KCNH1: variants seen among roughly 807,000 people sequenced by gnomAD.
KCNH1 encodes the protein voltage-gated delayed rectifier potassium channel KCNH1.
Under a neutral mutation model 69.2 loss-of-function variants are expected in KCNH1, and 27 were observed. The ratio of observed to expected loss-of-function variants is 0.39; its 90% CI spans 0.29 to 0.54. The LOEUF is 0.54. Ranked by LOEUF, KCNH1 falls within the 20% of genes least tolerant of loss-of-function variation. KCNH1 has a pLI of 0.68. For missense variants in KCNH1, 798 were observed against 1,261.6 expected (o/e 0.63, Z 5.57); for synonymous variants, 456 against 487.7 (o/e 0.93, Z 0.86).
chr1:210,914,105 T>A (rs1687289928), intron 7 of KCNH1, among the ~76,000 whole-genome samples: 1 of 152,134 alleles, frequency 6.6e-6, no homozygotes, highest in Non-Finnish European at 1.5e-5. Context: ...CCCAAACTTT[T>A]AGAAAATTTT....
In KCNH1 at chr1:210,797,742, T is replaced by C. The variant is rs1189100406; in HGVS notation, c.1681A>G (p.Lys561Glu). ...ACGCAGATGTCGGCTCTCATGTCCT[T>C]GGGGCAGATCTGCAGGACCTAGCCA... ...DTEKVLQICPKDMRADICVHL... is the reference protein window; with the variant it reads ...DTEKVLQICPEDMRADICVHL... Residue 561 changes from lysine (K) to glutamate (E), a missense_variant, in exon 9 of 11, where the codon AAG (lysine) becomes GAG (glutamate). Physicochemically the swap from Lys to Glu is moderately conservative, Grantham distance 56. This residue lies in a region of KCNH1 where 197 missense variants were observed against 407.7 expected (regional missense o/e 0.48). Coordinates refer to ENST00000271751, the MANE Select transcript of KCNH1 (RefSeq NM_172362.3). 6.2e-7 allele frequency: 1 copy of C among 1,613,220 alleles called. No homozygotes were observed. Among genetic ancestry groups the C allele is most frequent in the Non-Finnish European group, 8.5e-7 (1 of 1,179,370 alleles).
At chr1:210,933,270 A>G (rs1574346426) in intron 6 of KCNH1, among the ~76,000 whole-genome samples, 1 of 152,028 alleles carries the variant, frequency 6.6e-6, no homozygotes, top group East Asian at 1.9e-4. Context: ...AGAACAAAAA[A>G]CCAAACACCA....
At chr1:210,757,030 A>G (rs940460076) in intron 10 of KCNH1, among the ~76,000 whole-genome samples, 3 of 152,186 alleles carry the variant, frequency 2.0e-5, no homozygotes, top group Non-Finnish European at 4.4e-5. Context: ...AGTATCAGCC[A>G]TTTAATCAAT....
intron 5 of KCNH1, among the ~76,000 whole-genome samples, chr1:211,068,714 C>A (rs1690579147): frequency 6.6e-6 from 1 of 152,124 alleles, no homozygotes; most frequent in African/African-American, 2.4e-5. Flanking sequence ...TTAGATACAT[C>A]AGAGAAGTGA....
At chr1:210,961,740 TTAG>T (rs1688299104) in intron 6 of KCNH1, among the ~76,000 whole-genome samples, 1 of 152,006 alleles carries the variant, frequency 6.6e-6, no homozygotes, top group Non-Finnish European at 1.5e-5. Flanking sequence ...CTTGGGAGGC[TTAG>T]GCAGGTGAAT....
At chr1:210,706,755 GT>G (rs1681923379) in intron 10 of KCNH1, among the ~76,000 whole-genome samples, 1 of 152,244 alleles carries the variant, frequency 6.6e-6, no homozygotes, top group African/African-American at 2.4e-5. Flanking sequence ...GCTAAGAATA[GT>G]GGCTAATTCT....
chr1:211,081,743 T>A (rs1690863912), intron 5 of KCNH1, among the ~76,000 whole-genome samples: 1 of 152,184 alleles, frequency 6.6e-6, no homozygotes, highest in Non-Finnish European at 1.5e-5. Context: ...CCACATGTTC[T>A]CACTCATAGT....
chr1:210,685,503 G>T (rs1001774760), intron 10 of KCNH1, among the ~76,000 whole-genome samples: 4 of 152,164 alleles, frequency 2.6e-5, no homozygotes, highest in African/African-American at 9.7e-5. Context: ...GGGGTTTGGG[G>T]TCAGAAAGAA....
At chr1:211,063,128 T>C (rs1018675035) in intron 5 of KCNH1, among the ~76,000 whole-genome samples, 2 of 152,080 alleles carry the variant, frequency 1.3e-5, no homozygotes, top group South Asian at 2.1e-4. Flanking sequence ...TATTCAACCA[T>C]AAAAAAGAAT....
chr1:210,689,114 G>A (rs979113970), intron 10 of KCNH1, among the ~76,000 whole-genome samples: 4 of 152,222 alleles, frequency 2.6e-5, no homozygotes, highest in Non-Finnish European at 5.9e-5. Context: ...CTCTGAGGTC[G>A]CACCAAGCCA....
intron 8 of KCNH1, among the ~76,000 whole-genome samples, chr1:210,798,335 G>T (rs531587623): frequency 6.6e-6 from 1 of 152,200 alleles, no homozygotes; most frequent in East Asian, 1.9e-4. Context: ...CACCACAACC[G>T]GCCAGGAAGG....
At chr1:210,689,200 G>A (rs1459149388) in intron 10 of KCNH1, among the ~76,000 whole-genome samples, 4 of 152,204 alleles carry the variant, frequency 2.6e-5, no homozygotes, top group Non-Finnish European at 5.9e-5. Flanking sequence ...AAGCTACAGG[G>A]ATTTCTGAGT....
At chr1:211,119,704 A>G (rs1443977293) in intron 1 of KCNH1, among the ~76,000 whole-genome samples, 1 of 152,242 alleles carries the variant, frequency 6.6e-6, no homozygotes, top group Non-Finnish European at 1.5e-5. Flanking sequence ...TCAACAATAA[A>G]GTCTCATGAA....
intron 6 of KCNH1, among the ~76,000 whole-genome samples, chr1:210,920,711 A>C (rs970573312): frequency 1.3e-5 from 2 of 152,196 alleles, no homozygotes; most frequent in African/African-American, 4.8e-5. Flanking sequence ...AAAAAGCTAA[A>C]AATAAATTAA....
chr1:210,711,167 C>T (rs1279937403), intron 10 of KCNH1, among the ~76,000 whole-genome samples: 1 of 152,276 alleles, frequency 6.6e-6, no homozygotes, highest in East Asian at 1.9e-4. Context: ...CCTAGACAGC[C>T]CCAGACCATG....
chr1:210,922,867 C>T (rs562110299), intron 6 of KCNH1, among the ~76,000 whole-genome samples: 1 of 152,264 alleles, frequency 6.6e-6, no homozygotes, highest in Non-Finnish European at 1.5e-5. Flanking sequence ...AATCAAACAC[C>T]ACATAAGCAG....
Position 210,681,440 on chromosome 1 carries a change from G to A in KCNH1, c.*1841C>T, listed in dbSNP as rs1332738045. ...AAGCCTGATGTGAGAAGCTACATATGAGGTTAGGGCTCATGGAGCAGGACT... is the reference window on the plus strand; with the variant it reads ...AAGCCTGATGTGAGAAGCTACATATAAGGTTAGGGCTCATGGAGCAGGACT... On this transcript the variant is annotated 3_prime_UTR_variant, in exon 11 of 11. Transcript: ENST00000271751. 1 of 152,236 alleles carries A rather than the reference G, an allele frequency of 6.6e-6. No homozygotes were observed. Among genetic ancestry groups the A allele is most frequent in the Non-Finnish European group, 1.5e-5 (1 of 68,076 alleles). 9.4% of individuals were successfully genotyped at this position (152,236 alleles called of 1,614,324 possible).
chr1:210,912,808 T>C (rs1257182018), intron 7 of KCNH1, among the ~76,000 whole-genome samples: 1 of 152,208 alleles, frequency 6.6e-6, no homozygotes, highest in African/African-American at 2.4e-5. Context: ...ATGTAGGCTC[T>C]TTCCCACATT....
chr1:211,036,883 C>G lies in KCNH1; in HGVS notation c.559-17627G>C, dbSNP rs765653538. ...TTCCCCAAAGGCAGATGCTACTTCT[C>G]CTAGGATAATGTCACTAGTCCACAC... On this transcript the variant is annotated intron_variant, in intron 5 of 10. Transcript: ENST00000271751. Among the ~76,000 whole-genome samples, 8 of 152,260 alleles carry G rather than the reference C, an allele frequency of 5.3e-5. 1 individual carries two copies. Among genetic ancestry groups the G allele is most frequent in the Middle Eastern group, 3.4e-3 (1 of 294 alleles).
Sources: gnomAD v4.1 joint callset for allele counts (sites outside exome capture counted in the v4.1 genomes callset) on GRCh38, gnomAD v4.1.1 for gene constraint, gnomAD v4.1.1 regional missense constraint, MANE v1.5 for transcripts, NCBI Gene and HGNC (gene_info 2026-07-23, HGNC 2026-07-21) for gene names.